Variants in FDFT1 observed in about 807,000 individuals in gnomAD.
FDFT1 encodes squalene synthase.
In FDFT1, 68 loss-of-function variants were observed where a neutral mutation model predicts 46.8. The ratio of observed to expected loss-of-function variants is 1.45; its 90% CI spans 1.19 to 1.78. The LOEUF (loss-of-function observed/expected upper bound fraction) is 1.78. Ranked by LOEUF, FDFT1 falls within the 40% of genes most tolerant of loss-of-function variation. FDFT1 has a pLI of 0.00. For synonymous variants in FDFT1, 351 were observed against 185.1 expected (o/e 1.90, Z -7.28); for missense variants, 928 against 524.4 (o/e 1.77, Z -7.52).
At chr8:11,836,850 A>G (rs1460852687) in intron 7 of FDFT1, among the ~76,000 whole-genome samples, 1 of 152,388 alleles carries the variant, frequency 6.6e-6, no homozygotes, top group East Asian at 1.9e-4. Context: ...AGCCTGACCA[A>G]CACTGGTAAA....
At chr8:11,837,319 C>T (rs891128251) in intron 7 of FDFT1, among the ~76,000 whole-genome samples, 5 of 152,232 alleles carry the variant, frequency 3.3e-5, no homozygotes, top group African/African-American at 7.2e-5. Context: ...CAACCTCCAC[C>T]TCCCAGGCTC....
chr8:11,796,337 A>G (rs1392849043), intron 1 of FDFT1, among the ~76,000 whole-genome samples: 1 of 152,190 alleles, frequency 6.6e-6, no homozygotes, highest in Non-Finnish European at 1.5e-5. Flanking sequence ...GTGTAGGCCC[A>G]GCCCTTGTGC....
chr8:11,829,632 C>T (rs1042649054), intron 5 of FDFT1, among the ~76,000 whole-genome samples: 3 of 152,256 alleles, frequency 2.0e-5, no homozygotes, highest in Middle Eastern at 3.4e-3. Context: ...CTAACAGGAG[C>T]CTCTTTAGCC....
intron 3 of FDFT1, among the ~76,000 whole-genome samples, chr8:11,815,982 A>T (rs1808394246): frequency 6.6e-6 from 1 of 152,256 alleles, no homozygotes; most frequent in African/African-American, 2.4e-5. Flanking sequence ...ATTTTCTTCT[A>T]GGGTTTTTAC....
chr8:11,827,677 A>G (rs1178167301), intron 5 of FDFT1, among the ~76,000 whole-genome samples: 1 of 152,188 alleles, frequency 6.6e-6, no homozygotes, highest in Admixed American at 6.5e-5. Context: ...AGTTCACAGG[A>G]AGAGACACAC....
intron 1 of FDFT1, chr8:11,808,308 G>C (rs1333143830): frequency 2.4e-6 from 3 of 1,227,622 alleles, no homozygotes; most frequent in African/African-American, 3.1e-5. Context: ...TTAGCGGCCA[G>C]TGGGTTCTGG....
chr8:11,826,397 A>T (rs191404902), intron 5 of FDFT1, among the ~76,000 whole-genome samples, 182 bp downstream of exon 5: 18 of 152,324 alleles, frequency 1.2e-4, no homozygotes, highest in African/African-American at 4.3e-4. Flanking sequence ...GACTCCCAGG[A>T]TTCACACCAC....
chr8:11,797,224 A>G (rs1312268106), intron 1 of FDFT1, among the ~76,000 whole-genome samples: 1 of 152,106 alleles, frequency 6.6e-6, no homozygotes, highest in South Asian at 2.1e-4. Context: ...CTGGAGTCGA[A>G]TCTCGCCTTC....
chr8:11,835,148 A>C (rs989042304), intron 7 of FDFT1, among the ~76,000 whole-genome samples: 1 of 152,218 alleles, frequency 6.6e-6, no homozygotes, highest in Non-Finnish European at 1.5e-5. Flanking sequence ...ATTTGGCTTC[A>C]ACTTTATGCC....
Position 11,830,373 on chromosome 8 carries a change from T to G in FDFT1, c.832T>G (p.Ser278Ala). The G allele has an allele frequency of 6.2e-7, 1 of 1,613,868 alleles. No homozygotes were observed. The highest frequency in any genetic ancestry group is 1.3e-5 in the African/African-American group (1 of 74,994). The change falls in exon 6 of 8, where the codon TCG (serine) becomes GCG (alanine). Residue 278 changes from serine to alanine, a missense_variant. Transcript: ENST00000220584. ...CATCCCAGATGTCATCACCTACCTT[T>G]CGAGACTCAGAAACCAGAGTGTGTT... ...HHIPDVITYL[S>A]RLRNQSVFNF...
intron 3 of FDFT1, among the ~76,000 whole-genome samples, chr8:11,818,345 G>C (rs184324927): frequency 1.1e-3 from 170 of 152,312 alleles, no homozygotes; most frequent in Middle Eastern, 0.01. Context: ...CTGTTGATTT[G>C]GGGTGGAGAG....
Position 11,821,779 on chromosome 8 carries a change from G to T in FDFT1, c.411G>T (p.Glu137Asp). 10 of 1,613,594 alleles carry T rather than the reference G, an allele frequency of 6.2e-6. No individual in the cohort carries two copies. The highest frequency in any genetic ancestry group is 8.5e-6 in the Non-Finnish European group (10 of 1,179,656). ...CCCTTGAGTTTAGAAATCTGGCTGA[G>T]AAATACCAAACAGTGATTGCCGACA... ...TISLEFRNLA[E>D]KYQTVIADIC... The change falls in exon 4 of 8, where the codon GAG (glutamate) becomes GAT (aspartate). Residue 137 changes from glutamate (E) to aspartate (D), a missense_variant. Glu to Asp is a conservative substitution (Grantham distance 45). Coordinates refer to ENST00000220584, the MANE Select transcript of FDFT1 (RefSeq NM_004462.5).
At position 11,797,231 on chromosome 8, in the gene FDFT1, C is replaced by T. The variant is rs190511696; in HGVS notation, c.-94+1220C>T. On this transcript the variant is annotated intron_variant, in intron 1 of 7. Coordinates refer to the FDFT1 transcript ENST00000538689. ...CCCCACCTCTGGAGTCGAATCTCGC[C>T]TTCTATCTCATTTTGAGTTCCTTGG... 4.0e-4 allele frequency among the ~76,000 whole-genome samples: 61 copies of T among 152,266 alleles called. No homozygotes were observed. The East Asian group carries it at 7.1e-3, about 18-fold the overall frequency.
upstream of FDFT1, chr8:11,797,795 A>G (rs1433396342): frequency 2.6e-5 from 4 of 152,288 alleles, no homozygotes; most frequent in Non-Finnish European, 5.9e-5. Flanking sequence ...AGGAGCAGGA[A>G]GCCTATTCCA....
chr8:11,800,730 T>TGTTA (rs1438938482), upstream of FDFT1, among the ~76,000 whole-genome samples: 3 of 152,266 alleles, frequency 2.0e-5, no homozygotes, highest in African/African-American at 7.2e-5. Flanking sequence ...TATTTAAGAA[T>TGTTA]GTTAGCACAG....
intron 2 of FDFT1, chr8:11,809,228 G>C: frequency 1.7e-6 from 2 of 1,166,966 alleles, no homozygotes; most frequent in East Asian, 1.0e-4. Context: ...CTAGCATATT[G>C]GGTTGATTCT....
intron 2 of FDFT1, 141 bp downstream of exon 2, chr8:11,809,032 G>C (rs1563302073): frequency 8.0e-6 from 11 of 1,380,266 alleles, no homozygotes; most frequent in African/African-American, 1.5e-5. Context: ...CCGGCCCTAC[G>C]TGTTTACTTT....
intron 3 of FDFT1, among the ~76,000 whole-genome samples, chr8:11,818,455 G>T (rs1421240739): frequency 1.3e-5 from 2 of 152,194 alleles, no homozygotes; most frequent in South Asian, 2.1e-4. Context: ...AATATTGACA[G>T]TGGGATGTTA....
In FDFT1 at chr8:11,830,266, A is replaced by T; in HGVS notation, c.725A>T (p.Lys242Met). 6.2e-7 allele frequency: 1 copy of T among 1,613,992 alleles called. No individual in the cohort carries two copies. The highest frequency in any genetic ancestry group is 8.5e-7 in the Non-Finnish European group (1 of 1,179,890). ...TAGGTTTGGAGCAGGTATGTTAAGAAGTTAGGGGATTTTGCTAAGCCGGAG... is the reference window on the plus strand; with the variant it reads ...TAGGTTTGGAGCAGGTATGTTAAGATGTTAGGGGATTTTGCTAAGCCGGAG... ...PQEVWSRYVK[K>M]LGDFAKPENI... Residue 242 changes from lysine to methionine, a missense_variant, in exon 6 of 8, where the codon AAG becomes ATG. Physicochemically the swap from Lys to Met is moderately conservative, Grantham distance 95. Transcript: ENST00000220584.
Sources: allele counts gnomAD v4.1 joint callset (sites outside exome capture counted in the v4.1 genomes callset), GRCh38; gene constraint gnomAD v4.1.1; transcripts MANE v1.5; gene names NCBI Gene and HGNC (gene_info 2026-07-23, HGNC 2026-07-21).